Variants in SPATA6 observed in about 807,000 individuals in gnomAD.
SPATA6 encodes the protein spermatogenesis associated 6.
SPATA6 carries 56 observed loss-of-function variants against 65.3 expected under a neutral mutation model. The observed-to-expected ratio is 0.86, with a 90% CI of 0.69 to 1.07. The LOEUF (loss-of-function observed/expected upper bound fraction) is 1.07. Ranked by LOEUF, SPATA6 falls within the 50% of genes least tolerant of loss-of-function variation. SPATA6 has a pLI of 0.00. For missense variants in SPATA6, 590 were observed against 594.8 expected (o/e 0.99, Z 0.08); for synonymous variants, 199 against 213.2 (o/e 0.93, Z 0.58).
chr1:48,288,096 T>A, the SPATA6 span, among the ~76,000 whole-genome samples: 7 of 152,218 alleles, frequency 4.6e-5, no homozygotes, highest in Non-Finnish European at 8.8e-5. Flanking sequence ...TTAATGTATC[T>A]CACATTGATT....
At chr1:48,299,333 G>C (rs989257224) in intron 12 of SPATA6, among the ~76,000 whole-genome samples, 1 of 151,538 alleles carries the variant, frequency 6.6e-6, no homozygotes, top group African/African-American at 2.4e-5. Context: ...GACCAACATG[G>C]AGAAACCCCA....
At chr1:48,282,525 G>A in the SPATA6 span, among the ~76,000 whole-genome samples, 2 of 152,036 alleles carry the variant, frequency 1.3e-5, no homozygotes, top group Non-Finnish European at 1.5e-5. Context: ...ATGGGCAAAG[G>A]ACATGAACAG....
intron 9 of SPATA6, among the ~76,000 whole-genome samples, chr1:48,364,476 T>A (rs1646928605): frequency 6.6e-6 from 1 of 152,242 alleles, no homozygotes; most frequent in African/African-American, 2.4e-5. Context: ...GTTTCCTAAC[T>A]TTTTAATGAT....
chr1:48,369,769 G>A (rs1019236139), intron 9 of SPATA6, among the ~76,000 whole-genome samples: 3 of 152,186 alleles, frequency 2.0e-5, no homozygotes, highest in Admixed American at 6.5e-5. Context: ...CTTGCGCATG[G>A]TGCACTGCAC....
At chr1:48,277,099 C>CTTTTTTTTTTTTTT in the SPATA6 span, among the ~76,000 whole-genome samples, 4 of 126,440 alleles carry the variant, frequency 3.2e-5, no homozygotes, top group Non-Finnish European at 3.4e-5. Context: ...TTGTTTTTTG[C>CTTTTTTTTTTTTTT]TTTTTTTTTT....
At chr1:48,419,878 A>G (rs1051039885) in intron 3 of SPATA6, among the ~76,000 whole-genome samples, 3 of 152,182 alleles carry the variant, frequency 2.0e-5, no homozygotes, top group African/African-American at 7.2e-5. Flanking sequence ...ATGAGAAGCA[A>G]TTTATGATGG....
rs199504276 is a variant in SPATA6 at position 48,434,699 on chromosome 1, T to G, written c.238+16853A>C. Among the ~76,000 whole-genome samples, 509 of 150,672 alleles carry G rather than the reference T, an allele frequency of 3.4e-3. 2 individuals are homozygous for G. Among genetic ancestry groups the G allele is most frequent in the African/African-American group, 0.012 (476 of 41,168 alleles). ...AACATCTGTGGTGCACTTACGGGGG[T>G]GTGTGTGTGTGTGTGTCTGTAGATG... is the stretch of plus-strand genomic sequence containing the variant. On this transcript the variant is annotated intron_variant, in intron 3 of 12. Transcript: ENST00000371847.
At position 48,298,093 on chromosome 1, in the gene SPATA6, T is replaced by G. The variant is rs1426212750; in HGVS notation, c.*620A>C. 1 of 152,196 alleles carries G rather than the reference T, an allele frequency of 6.6e-6. No individual in the cohort carries two copies. The highest frequency in any genetic ancestry group is 1.5e-5 in the Non-Finnish European group (1 of 68,028). 9.4% of individuals were successfully genotyped at this position (152,196 alleles called of 1,614,324 possible). A position where few individuals can be genotyped will look rare whatever the true frequency, so the allele number is the denominator to read the frequency against. ...CATGGCACTGATATTTCTAGCTAAC[T>G]GCTATGCATTTTAAGCAACTTACAC... On this transcript the variant is annotated 3_prime_UTR_variant, in exon 13 of 13. Coordinates refer to ENST00000371847, the MANE Select transcript of SPATA6 (RefSeq NM_019073.4).
chr1:48,448,969 T>C (rs1656317863), intron 3 of SPATA6, among the ~76,000 whole-genome samples: 1 of 152,128 alleles, frequency 6.6e-6, no homozygotes, highest in Non-Finnish European at 1.5e-5. Flanking sequence ...GATACACAAT[T>C]GTATAAATTT....
At chr1:48,451,954 A>T (rs1382571256) in intron 2 of SPATA6, among the ~76,000 whole-genome samples, 2 of 152,178 alleles carry the variant, frequency 1.3e-5, no homozygotes, top group African/African-American at 2.4e-5. Flanking sequence ...AGAGTAATAT[A>T]GTCTCATAAT....
At chr1:48,289,304 TA>T in the SPATA6 span, among the ~76,000 whole-genome samples, 1 of 152,030 alleles carries the variant, frequency 6.6e-6, no homozygotes, top group Admixed American at 6.5e-5. Flanking sequence ...GAAGGAAAAC[TA>T]AAAAACAGAA....
the SPATA6 span, among the ~76,000 whole-genome samples, chr1:48,290,072 A>G: frequency 2.6e-5 from 4 of 152,248 alleles, no homozygotes; most frequent in Non-Finnish European, 5.9e-5. Flanking sequence ...AGTTGAAATG[A>G]AGGAAAAAAT....
At chr1:48,406,486 C>T (rs1651716677) in intron 5 of SPATA6, among the ~76,000 whole-genome samples, 1 of 152,144 alleles carries the variant, frequency 6.6e-6, no homozygotes, top group South Asian at 2.1e-4. Context: ...ATCATCACAC[C>T]ATTTTAAATG....
At chr1:48,359,487 A>G in intron 10 of SPATA6, 99 bp downstream of exon 10, 1 of 1,339,522 alleles carries the variant, frequency 7.5e-7, no homozygotes, top group Non-Finnish European at 1.0e-6. Context: ...ATCAAATTAC[A>G]CTTTTATAAA....
At chr1:48,276,039 G>A in the SPATA6 span, among the ~76,000 whole-genome samples, 5 of 151,972 alleles carry the variant, frequency 3.3e-5, no homozygotes, top group African/African-American at 9.7e-5. Flanking sequence ...TCAGGGATTC[G>A]ACTTCTTTCT....
At position 48,352,302 on chromosome 1, in the gene SPATA6, G is replaced by A. The variant is rs529558416; in HGVS notation, c.1194+3368C>T. 2.6e-5 allele frequency among the ~76,000 whole-genome samples: 4 copies of A among 152,064 alleles called. No individual in the cohort carries two copies. The East Asian group carries it at 7.8e-4, about 30-fold the overall frequency. ...CACAGGGTCCCTCCCACAACACATG[G>A]GAATTCAAGATGAGACTTGAGTGGG... On this transcript the variant is annotated intron_variant, in intron 11 of 12. Coordinates refer to ENST00000371847, the MANE Select transcript of SPATA6 (RefSeq NM_019073.4).
the SPATA6 span, among the ~76,000 whole-genome samples, chr1:48,272,216 T>C: frequency 1.3e-5 from 2 of 152,190 alleles, no homozygotes; most frequent in African/African-American, 4.8e-5. Flanking sequence ...TTAAGACCTG[T>C]CTTCTTAGCA....
chr1:48,291,454 C>T (rs901130407), downstream of SPATA6, among the ~76,000 whole-genome samples: 3 of 151,654 alleles, frequency 2.0e-5, no homozygotes, highest in Non-Finnish European at 4.4e-5. Context: ...AGTTATGTTC[C>T]CAGGAGGAAT....
rs1261172581 is a variant in SPATA6 at position 48,384,063 on chromosome 1, C to G, written c.909+1246G>C. 2.0e-5 allele frequency among the ~76,000 whole-genome samples: 3 copies of G among 151,222 alleles called. No individual in the cohort carries two copies. In the East Asian group the frequency reaches 6.0e-4, roughly 30 times the overall value. The stretch of plus-strand genomic sequence containing the variant: ...TGGGCACCATTGAGCACTGAGTGAA[C>G]GAGACTCCATCTGCAATCCCGGCAC... On this transcript the variant is annotated intron_variant, in intron 9 of 12. Coordinates refer to ENST00000371847, the MANE Select transcript of SPATA6 (RefSeq NM_019073.4).
Sources: allele counts gnomAD v4.1 joint callset (sites outside exome capture counted in the v4.1 genomes callset), GRCh38; gene constraint gnomAD v4.1.1; transcripts MANE v1.5; gene names NCBI Gene and HGNC (gene_info 2026-07-23, HGNC 2026-07-21).